Variants in TMEM212 observed in about 807,000 individuals in gnomAD.
The protein encoded by TMEM212 is transmembrane protein 212.
Under a neutral mutation model 20.5 loss-of-function variants are expected in TMEM212, and 23 were observed. The ratio of observed to expected loss-of-function variants is 1.12; its 90% CI spans 0.81 to 1.59. The LOEUF is 1.59. Ranked by LOEUF, TMEM212 falls within the 40% of genes most tolerant of loss-of-function variation. The probability of loss-of-function intolerance (pLI) is 0.00; values close to 1 mark genes in which losing one functional copy is unlikely to be tolerated. For missense variants in TMEM212, 211 were observed against 215.0 expected (o/e 0.98, Z 0.12); for synonymous variants, 76 against 81.6 (o/e 0.93, Z 0.37).
intron 1 of TMEM212, among the ~76,000 whole-genome samples, chr3:171,847,821 G>A (rs1201965588): frequency 2.0e-5 from 3 of 152,080 alleles, no homozygotes; most frequent in Non-Finnish European, 4.4e-5. Context: ...TAGTTATAGA[G>A]GGTGATCAGA....
rs111555441 is a variant in TMEM212 at position 171,844,483 on chromosome 3, G to A, written c.159+941G>A. On this transcript the variant is annotated intron_variant, in intron 1 of 4. Transcript: ENST00000334567. Reference sequence around the variant, plus strand: ...AGCACTTTGGGAAGCCAAGGGGAGCGGATCACGAGGTCAGGAGTTCGAGAC... The same window carrying A: ...AGCACTTTGGGAAGCCAAGGGGAGCAGATCACGAGGTCAGGAGTTCGAGAC... 9.7e-3 allele frequency among the ~76,000 whole-genome samples: 1,471 copies of A among 152,228 alleles called. 10 individuals carry two copies. Among genetic ancestry groups the A allele is most frequent in the Non-Finnish European group, 0.016 (1,080 of 68,012 alleles).
At position 171,843,357 on chromosome 3, in the gene TMEM212, G is replaced by C; in HGVS notation, c.-27G>C. ...TGTTTTGGTAACAAAACATCTTTGA[G>C]ACCAAGGCCTCAAGCCACCAAGGAA... On this transcript the variant is annotated 5_prime_UTR_variant, in exon 1 of 5. Coordinates refer to ENST00000334567, the MANE Select transcript of TMEM212 (RefSeq NM_001164436.2). 6.6e-7 allele frequency: 1 copy of C among 1,521,448 alleles called. No individual in the cohort carries two copies. The highest frequency in any genetic ancestry group is 1.2e-5 in the South Asian group (1 of 81,108). 94.2% of individuals were successfully genotyped at this position (1,521,448 alleles called of 1,614,324 possible). A position where few individuals can be genotyped will look rare whatever the true frequency, so the allele number is the denominator to read the frequency against.
intron 1 of TMEM212, among the ~76,000 whole-genome samples, chr3:171,850,105 A>G (rs1245529455): frequency 6.6e-6 from 1 of 152,004 alleles, no homozygotes; most frequent in Non-Finnish European, 1.5e-5. Context: ...CCCTATCTAA[A>G]AATATAATTT....
chr3:171,845,523 A>T (rs1429090570), intron 1 of TMEM212, among the ~76,000 whole-genome samples: 1 of 152,156 alleles, frequency 6.6e-6, no homozygotes, highest in East Asian at 1.9e-4. Context: ...ACATTAAACA[A>T]ATATTGGTGA....
At chr3:171,847,597 G>A (rs1398797013) in intron 1 of TMEM212, among the ~76,000 whole-genome samples, 4 of 152,144 alleles carry the variant, frequency 2.6e-5, no homozygotes, top group South Asian at 4.1e-4. Flanking sequence ...CATCAATATA[G>A]AACAAGGTTC....
chr3:171,850,264 C>T (rs1289314623), intron 1 of TMEM212, among the ~76,000 whole-genome samples: 2 of 152,140 alleles, frequency 1.3e-5, no homozygotes, highest in African/African-American at 4.8e-5. Flanking sequence ...GTGGATTTAA[C>T]AAGTTACTGA....
At chr3:171,853,889 C>G in intron 3 of TMEM212, 39 bp downstream of exon 3, 10 of 1,444,818 alleles carry the variant, frequency 6.9e-6, no homozygotes, top group Non-Finnish European at 8.4e-6. Context: ...CTTGTTCCAT[C>G]TTGTATGCTA....
chr3:171,843,821 T>G (rs1724769631), intron 1 of TMEM212, among the ~76,000 whole-genome samples: 1 of 152,186 alleles, frequency 6.6e-6, no homozygotes, highest in Admixed American at 6.5e-5. Flanking sequence ...TTAATCCACT[T>G]AACTTGATAT....
At chr3:171,856,031 C>T (rs1236204081) in intron 3 of TMEM212, among the ~76,000 whole-genome samples, 1 of 151,940 alleles carries the variant, frequency 6.6e-6, no homozygotes, top group Admixed American at 6.6e-5. Flanking sequence ...AACAATTAGG[C>T]CAGTGCAACA....
rs1194095029 is a variant in TMEM212, at chr3:171,858,737, A to ATG, written c.*680_*681insTG. 1.3e-3 allele frequency: 196 copies of ATG among 152,302 alleles called. 1 individual carries two copies. The highest frequency in any genetic ancestry group is 4.4e-3 in the African/African-American group (184 of 41,568). The allele number at this position is 152,302 out of a possible 1,614,324, so 9.4% of individuals were successfully genotyped here. A position where few individuals can be genotyped will look rare whatever the true frequency, so the allele number is the denominator to read the frequency against. ...AAACAAATTTACAAGAAAAAAACAA[A>ATG]CAACCACATCAAAAAGTAGGCAAAG... On this transcript the variant is annotated 3_prime_UTR_variant, in exon 5 of 5. Transcript: ENST00000334567.
At chr3:171,850,334 G>A (rs930519013) in intron 1 of TMEM212, among the ~76,000 whole-genome samples, 1 of 152,150 alleles carries the variant, frequency 6.6e-6, no homozygotes, top group Admixed American at 6.5e-5. Flanking sequence ...TGTAAACAAA[G>A]CAAAATTCAA....
chr3:171,846,758 T>C (rs1036104668), intron 1 of TMEM212, among the ~76,000 whole-genome samples: 22 of 152,148 alleles, frequency 1.4e-4, no homozygotes, highest in African/African-American at 5.3e-4. Flanking sequence ...TGGACGAACG[T>C]TATGTTTTTT....
intron 2 of TMEM212, 135 bp downstream of exon 2, chr3:171,852,176 G>T: frequency 1.5e-6 from 1 of 678,116 alleles, no homozygotes; most frequent in East Asian, 2.8e-5. Context: ...TACTACAATG[G>T]ATTTCAGAAA....
chr3:171,843,542 G>T lies in TMEM212; in HGVS notation c.159G>T (p.Leu53Phe). The T allele has an allele frequency of 6.6e-7, 1 of 1,526,030 alleles. No homozygotes were observed. Among genetic ancestry groups the T allele is most frequent in the Non-Finnish European group, 8.8e-7 (1 of 1,141,824 alleles). 94.5% of individuals were successfully genotyped at this position (1,526,030 alleles called of 1,614,324 possible). A position where few individuals can be genotyped will look rare whatever the true frequency, so the allele number is the denominator to read the frequency against. Residue 53 changes from leucine to phenylalanine, a missense_variant and splice_region_variant, in exon 1 of 5, where the codon TTG (leucine) becomes TTT (phenylalanine). Transcript: ENST00000334567. ...RIACPIWNGA[L>F]AITTGVLLLL... Reference sequence around the variant, plus strand: ...CTTGTCCTATCTGGAATGGAGCTTTGGTATGAAAATAGTTTATTAAATATA... The same window carrying T: ...CTTGTCCTATCTGGAATGGAGCTTTTGTATGAAAATAGTTTATTAAATATA...
At chr3:171,856,638 T>C (rs1256494415) in intron 3 of TMEM212, 25 bp from the exon 4 acceptor site, 49 of 674,956 alleles carry the variant, frequency 7.3e-5, no homozygotes, top group Non-Finnish European at 1.0e-4. Flanking sequence ...CTTATCAAAT[T>C]TGCTGTCTCT....
intron 1 of TMEM212, among the ~76,000 whole-genome samples, chr3:171,848,658 G>T (rs1380615648): frequency 7.6e-6 from 1 of 131,976 alleles, no homozygotes; most frequent in Admixed American, 7.3e-5. Flanking sequence ...GGAGTGGAAT[G>T]GAATAGATAA....
intron 3 of TMEM212, 118 bp from the exon 4 acceptor site, chr3:171,856,545 C>T: frequency 2.0e-6 from 1 of 504,912 alleles, no homozygotes; most frequent in Non-Finnish European, 3.5e-6. Flanking sequence ...ACCCATTAGC[C>T]AGGTCATGGT....
intron 4 of TMEM212, among the ~76,000 whole-genome samples, chr3:171,857,268 A>C (rs1218303322): frequency 6.6e-6 from 1 of 152,200 alleles, no homozygotes; most frequent in Non-Finnish European, 1.5e-5. Flanking sequence ...AATATTTGAC[A>C]AGGGTGTCAG....
chr3:171,845,153 G>A (rs568756758), intron 1 of TMEM212, among the ~76,000 whole-genome samples: 1 of 152,276 alleles, frequency 6.6e-6, no homozygotes, highest in East Asian at 1.9e-4. Flanking sequence ...GGAATGCAGA[G>A]ATGGCAGTTA....
Sources: gnomAD v4.1 joint callset for allele counts (sites outside exome capture counted in the v4.1 genomes callset) on GRCh38, gnomAD v4.1.1 for gene constraint, MANE v1.5 for transcripts, NCBI Gene and HGNC (gene_info 2026-07-23, HGNC 2026-07-21) for gene names.